Variants in TNRC6B observed in about 807,000 individuals in gnomAD.
TNRC6B encodes trinucleotide repeat containing adaptor 6B.
A neutral mutation model predicts 203.6 loss-of-function variants in TNRC6B; 52 were observed. The ratio of observed to expected loss-of-function variants is 0.26; its 90% confidence interval spans 0.20 to 0.32. The LOEUF (loss-of-function observed/expected upper bound fraction) is 0.32. Ranked by LOEUF, TNRC6B falls within the 10% of genes least tolerant of loss-of-function variation. TNRC6B has a pLI of 1.00. For synonymous variants in TNRC6B, 838 were observed against 845.7 expected, an observed-to-expected ratio of 0.99 and a Z score of 0.16; for missense variants, 1,923 against 2,286.2, an observed-to-expected ratio of 0.84 and a Z score of 3.24.
In TNRC6B at chr22:40,232,088, GAT is replaced by G. The variant is rs771344447; in HGVS notation, c.6-13925_6-13924del. Among the ~76,000 whole-genome samples the G allele has an allele frequency of 5.9e-5, 9 of 152,284 alleles. No homozygotes were observed. The South Asian group carries it at 1.0e-3, about 18-fold the overall frequency. On this transcript the variant is annotated intron_variant, in intron 1 of 22. Transcript: ENST00000454349. ...GTCTGGCACTGACGGTATTAATAGA[GAT>G]ACATAATTACTCAGTCATGGAAAAG...
intron 3 of TNRC6B, among the ~76,000 whole-genome samples, chr22:40,255,557 G>A (rs1409671700): frequency 6.6e-6 from 1 of 152,192 alleles, no homozygotes; most frequent in African/African-American, 2.4e-5. Context: ...CTTGTTCAGA[G>A]GTGGAACTGG....
At chr22:40,310,592 G>A (rs1335745893) in intron 16 of TNRC6B, among the ~76,000 whole-genome samples, 1 of 152,158 alleles carries the variant, frequency 6.6e-6, no homozygotes, top group African/African-American at 2.4e-5. Context: ...ACAATCCTGT[G>A]TGCCTAAGTG....
intron 3 of TNRC6B, among the ~76,000 whole-genome samples, chr22:40,259,452 G>T (rs1227679368): frequency 6.6e-6 from 1 of 152,152 alleles, no homozygotes; most frequent in African/African-American, 2.4e-5. Context: ...TCGATCTCCT[G>T]ACCCTGTGAT....
rs1247499714 is a variant in TNRC6B at position 40,154,888 on chromosome 22, T to C, written c.46-1227T>C. Among the ~76,000 whole-genome samples, 9 of 46,270 alleles carry C rather than the reference T, an allele frequency of 1.9e-4. 1 individual carries two copies. Among genetic ancestry groups the C allele is most frequent in the African/African-American group, 1.2e-3 (9 of 7,424 alleles). The allele number at this position is 46,270 out of a possible 152,430, so 30.4% of individuals were successfully genotyped here. ...ATATATATATATATATATATATATA[T>C]ATATATACATATATATATATATTCT... On this transcript the variant is annotated intron_variant, in intron 3 of 23. Transcript: ENST00000301923.
In TNRC6B at chr22:40,071,039, T is replaced by C. The variant is rs1284582058; in HGVS notation, c.-121+26041T>C. 2.0e-5 allele frequency among the ~76,000 whole-genome samples: 3 copies of C among 152,250 alleles called. No homozygotes were observed. The East Asian group carries it at 5.8e-4, about 29-fold the overall frequency. On this transcript the variant is annotated intron_variant, in intron 1 of 23. Coordinates refer to the TNRC6B transcript ENST00000301923. ...CAGAAGTTTTTGGATTTTGGAATTG[T>C]GGGTAAGGGACTGTAGACTATTTAC...
At chr22:40,141,499 A>G (rs1237999502) in intron 3 of TNRC6B, among the ~76,000 whole-genome samples, 1 of 152,028 alleles carries the variant, frequency 6.6e-6, no homozygotes, top group Non-Finnish European at 1.5e-5. Flanking sequence ...AAAGAAATAA[A>G]ATAAGGATAT....
At chr22:40,087,540 T>A (rs1374197978) in intron 1 of TNRC6B, among the ~76,000 whole-genome samples, 1 of 152,152 alleles carries the variant, frequency 6.6e-6, no homozygotes, top group East Asian at 1.9e-4. Flanking sequence ...AAGTGCATTT[T>A]AGGAAAAATA....
chr22:40,315,493 C>CA lies in TNRC6B; in HGVS notation c.4890dup (p.Arg1631ThrfsTer10). 2 of 1,614,020 alleles carry CA rather than the reference C, an allele frequency of 1.2e-6. No homozygotes were observed. The highest frequency in any genetic ancestry group is 1.7e-6 in the Non-Finnish European group (2 of 1,179,890). On this transcript the variant is annotated frameshift_variant, in exon 20 of 23. Transcript: ENST00000454349. LOFTEE classifies it high-confidence loss of function. ...GTCAGGGGGTGGGGGACACAGGACT[C>CA]ACGGCTCGCCTCGGGTGAGGAGGAT...
upstream of TNRC6B, among the ~76,000 whole-genome samples, chr22:40,174,789 C>T (rs561635256): frequency 4.0e-5 from 6 of 148,964 alleles, no homozygotes; most frequent in African/African-American, 1.5e-4. Flanking sequence ...AGCACCACTG[C>T]ACTCTAGCCT....
chr22:40,098,733 G>T (rs548964032), intron 1 of TNRC6B, among the ~76,000 whole-genome samples: 20 of 151,494 alleles, frequency 1.3e-4, no homozygotes, highest in Non-Finnish European at 2.4e-4. Context: ...ATTTTTTTTA[G>T]TTTTTTTATT....
intron 1 of TNRC6B, among the ~76,000 whole-genome samples, chr22:40,224,030 C>G (rs575217443): frequency 6.6e-6 from 1 of 151,820 alleles, no homozygotes; most frequent in African/African-American, 2.4e-5. Flanking sequence ...TTTTTGAGAC[C>G]GAGTCTTACT....
intron 1 of TNRC6B, among the ~76,000 whole-genome samples, chr22:40,204,596 T>G (rs149032509): frequency 1.1e-3 from 175 of 152,338 alleles, no homozygotes; most frequent in African/African-American, 4.1e-3. Flanking sequence ...TTTCAATGTT[T>G]GCACCACTAT....
chr22:40,250,729 C>T (rs1347320968), intron 2 of TNRC6B, among the ~76,000 whole-genome samples: 2 of 152,084 alleles, frequency 1.3e-5, no homozygotes, highest in African/African-American at 2.4e-5. Context: ...CCGACCATGA[C>T]GTCTGATGCC....
chr22:40,235,613 G>T (rs5757885), intron 1 of TNRC6B, among the ~76,000 whole-genome samples: 2 of 151,998 alleles, frequency 1.3e-5, no homozygotes, highest in Non-Finnish European at 2.9e-5. Context: ...ATACTACCAC[G>T]AAGTGAGATA....
At chr22:40,188,042 A>T (rs1158684227) in intron 1 of TNRC6B, among the ~76,000 whole-genome samples, 1 of 152,148 alleles carries the variant, frequency 6.6e-6, no homozygotes, top group Non-Finnish European at 1.5e-5. Context: ...CAACATGGTG[A>T]AACCTCGTCT....
Position 40,300,602 on chromosome 22 carries a change from T to C in TNRC6B, c.3840+16T>C, listed in dbSNP as rs752443822. The C allele has an allele frequency of 3.1e-6, 5 of 1,589,362 alleles. No homozygotes were observed. The Admixed American group carries it at 9.6e-5, about 30-fold the overall frequency. On this transcript the variant is annotated intron_variant, in intron 13 of 22. Transcript: ENST00000454349. ...GTTTCAGTTGGTAAGTAGAAGATTT[T>C]CTTCCTGTGGCTAAAAAGGTCATTT...
intron 3 of TNRC6B, among the ~76,000 whole-genome samples, chr22:40,138,993 A>G (rs759125827): frequency 1.1e-4 from 17 of 152,186 alleles, no homozygotes; most frequent in Non-Finnish European, 1.9e-4. Flanking sequence ...ATACAGCTCA[A>G]TGGTTTTCAG....
chr22:40,296,974 A>G (rs966793590), intron 12 of TNRC6B, among the ~76,000 whole-genome samples: 1 of 152,186 alleles, frequency 6.6e-6, no homozygotes, highest in African/African-American at 2.4e-5. Context: ...AAATAAGGAA[A>G]AAGTAGCTAG....
intron 21 of TNRC6B, among the ~76,000 whole-genome samples, chr22:40,319,128 C>T (rs375600863): frequency 2.4e-4 from 36 of 151,942 alleles, no homozygotes; most frequent in African/African-American, 8.7e-4. Flanking sequence ...TGGGGGTGGC[C>T]GTGTTTGGGT....
Sources: allele counts gnomAD v4.1 joint callset (sites outside exome capture counted in the v4.1 genomes callset), GRCh38; gene constraint gnomAD v4.1.1; transcripts MANE v1.5; gene names NCBI Gene and HGNC (gene_info 2026-07-23, HGNC 2026-07-21).